KHDC1: variants seen among roughly 807,000 people sequenced by gnomAD.
KHDC1 encodes KH homology domain-containing protein 1.
A neutral mutation model predicts 24.7 loss-of-function variants in KHDC1; 21 were observed. The ratio of observed to expected loss-of-function variants is 0.85; its 90% confidence interval spans 0.60 to 1.23. The LOEUF (loss-of-function observed/expected upper bound fraction) is 1.23. Among genes scored for constraint, KHDC1 ranks in the 50% most tolerant of loss-of-function variants. The probability of loss-of-function intolerance (pLI) is 0.00; values close to 1 mark genes in which losing one functional copy is unlikely to be tolerated. For missense variants in KHDC1, 274 were observed against 298.5 expected (o/e 0.92, Z 0.61); for synonymous variants, 98 against 111.7 (o/e 0.88, Z 0.77).
At chr6:73,245,438 G>C (rs1766648956) in intron 2 of KHDC1, among the ~76,000 whole-genome samples, 1 of 152,164 alleles carries the variant, frequency 6.6e-6, no homozygotes, top group Non-Finnish European at 1.5e-5. Context: ...AAAGCTAGAT[G>C]CATCAAATGA....
chr6:73,309,592 G>T (rs1033437222), exon 1 of KHDC1: 1 of 1,547,008 alleles, frequency 6.5e-7, no homozygotes. Context: ...ACACTGTCCC[G>T]ATCAGGAGCA....
intron 1 of KHDC1, among the ~76,000 whole-genome samples, chr6:73,302,225 G>A (rs2150753783): frequency 6.6e-6 from 1 of 152,260 alleles, no homozygotes; most frequent in African/African-American, 2.4e-5. Context: ...GGAGGTGGAG[G>A]TTGTGGTGAG....
intron 2 of KHDC1, among the ~76,000 whole-genome samples, chr6:73,278,178 ATTT>A (rs34114549): frequency 1.5e-5 from 2 of 131,486 alleles, no homozygotes. Flanking sequence ...CGCCTGGCCA[ATTT>A]TTTTTTTTTT....
chr6:73,277,931 G>A (rs1767327551), intron 2 of KHDC1, among the ~76,000 whole-genome samples: 1 of 149,004 alleles, frequency 6.7e-6, no homozygotes, highest in Non-Finnish European at 1.5e-5. Context: ...TACTGTTTGT[G>A]AAGTTAAATA....
chr6:73,254,752 C>T (rs12110661), intron 2 of KHDC1, among the ~76,000 whole-genome samples: 2,097 of 152,106 alleles, frequency 0.014, 41 homozygotes, highest in African/African-American at 0.047. Flanking sequence ...CCTGTAATCC[C>T]GGCACTTTGG....
At chr6:73,255,179 T>G (rs1273692827) in intron 2 of KHDC1, among the ~76,000 whole-genome samples, 1 of 151,678 alleles carries the variant, frequency 6.6e-6, no homozygotes, top group Non-Finnish European at 1.5e-5. Context: ...TAGCTGAATT[T>G]TTTTCAATTA....
intron 2 of KHDC1, among the ~76,000 whole-genome samples, chr6:73,279,829 G>C (rs1429100476): frequency 6.6e-6 from 1 of 152,086 alleles, no homozygotes; most frequent in Non-Finnish European, 1.5e-5. Context: ...ACTCACCTCG[G>C]CCTCCCAAAG....
chr6:73,309,223 C>A (rs1024198978), intron 1 of KHDC1, among the ~76,000 whole-genome samples: 1 of 152,222 alleles, frequency 6.6e-6, no homozygotes, highest in Non-Finnish European at 1.5e-5. Context: ...GGGGCAGACC[C>A]GCAAAAGAGA....
At chr6:73,278,420 C>T (rs1271607246) in intron 2 of KHDC1, among the ~76,000 whole-genome samples, 2 of 152,056 alleles carry the variant, frequency 1.3e-5, no homozygotes, top group Non-Finnish European at 1.5e-5. Flanking sequence ...GACAGGGTCT[C>T]GCTACATTGC....
At chr6:73,273,785 C>CTCCA (rs1353621772) in intron 2 of KHDC1, among the ~76,000 whole-genome samples, 5 of 151,678 alleles carry the variant, frequency 3.3e-5, no homozygotes, top group Non-Finnish European at 7.4e-5. Flanking sequence ...CGCCACTGCC[C>CTCCA]TCCAGACTGG....
intron 2 of KHDC1, among the ~76,000 whole-genome samples, chr6:73,261,082 T>C (rs539348259): frequency 1.3e-5 from 2 of 152,352 alleles, no homozygotes; most frequent in South Asian, 4.1e-4. Flanking sequence ...TGTCTACTCC[T>C]ACTCAGTAGC....
At chr6:73,261,464 T>C (rs116341721) in intron 2 of KHDC1, among the ~76,000 whole-genome samples, 1 of 151,534 alleles carries the variant, frequency 6.6e-6, no homozygotes, top group South Asian at 2.1e-4. Flanking sequence ...AAATTTTTTT[T>C]AAAAAAATAA....
chr6:73,271,799 G>A (rs993005638), intron 2 of KHDC1, among the ~76,000 whole-genome samples: 5 of 151,630 alleles, frequency 3.3e-5, no homozygotes, highest in African/African-American at 4.8e-5. Context: ...GGGTGCTGAG[G>A]CAGGAGGATC....
chr6:73,273,542 C>T (rs540963086), intron 2 of KHDC1, among the ~76,000 whole-genome samples: 1 of 151,562 alleles, frequency 6.6e-6, no homozygotes, highest in South Asian at 2.1e-4. Flanking sequence ...ACGGGCCGGG[C>T]GCAGTGGCTC....
intron 2 of KHDC1, among the ~76,000 whole-genome samples, chr6:73,270,852 G>C (rs145356449): frequency 6.6e-6 from 1 of 151,800 alleles, no homozygotes. Flanking sequence ...CACCACGCCT[G>C]GCTAATTTTT....
chr6:73,309,931 G>C, exon 1 of KHDC1: 2 of 517,768 alleles, frequency 3.9e-6, no homozygotes, highest in Non-Finnish European at 6.7e-6. Context: ...AAGTGGGCAC[G>C]GGACCACATG....
chr6:73,243,255 A>G (rs910255464), intron 2 of KHDC1, among the ~76,000 whole-genome samples: 5 of 152,190 alleles, frequency 3.3e-5, no homozygotes, highest in African/African-American at 1.2e-4. Context: ...AGCAACCTTG[A>G]CTGGTTAAAA....
chr6:73,256,639 C>T (rs1432318070), intron 2 of KHDC1, among the ~76,000 whole-genome samples: 1 of 152,224 alleles, frequency 6.6e-6, no homozygotes, highest in Non-Finnish European at 1.5e-5. Flanking sequence ...ACATTTTCTT[C>T]TCAGCCAAAT....
At chr6:73,309,502 G>A (rs1267569445) in intron 1 of KHDC1, 12 of 1,468,898 alleles carry the variant, frequency 8.2e-6, no homozygotes, top group African/African-American at 1.4e-5. Context: ...GCCTTTCCGG[G>A]CACCTGGGTG....
Sources: gnomAD v4.1 joint callset for allele counts (sites outside exome capture counted in the v4.1 genomes callset) on GRCh38, gnomAD v4.1.1 for gene constraint, MANE v1.5 for transcripts, NCBI Gene and HGNC (gene_info 2026-07-23, HGNC 2026-07-21) for gene names.